The following CD38 variants were observed in gnomAD, a reference collection of about 807,000 sequenced individuals.
CD38 encodes ADP-ribosyl cyclase/cyclic ADP-ribose hydrolase 1.
In CD38, 31 loss-of-function variants were observed where a neutral mutation model predicts 36.3. The ratio of observed to expected loss-of-function variants is 0.85; its 90% confidence interval spans 0.64 to 1.15. The LOEUF (loss-of-function observed/expected upper bound fraction) is 1.15, where lower values mean the gene tolerates loss of function less well. Ranked by LOEUF, CD38 falls within the 50% of genes most tolerant of loss-of-function variation. CD38 has a pLI of 0.00. For synonymous variants in CD38, 131 were observed against 135.2 expected (o/e 0.97, Z 0.22); for missense variants, 380 against 371.9 (o/e 1.02, Z -0.18).
intron 1 of CD38, among the ~76,000 whole-genome samples, chr4:15,787,052 C>T (rs1385684468): frequency 2.0e-5 from 3 of 152,240 alleles, no homozygotes; most frequent in Admixed American, 2.0e-4. Context: ...AGCCCACGCC[C>T]ACCTGGAACT....
chr4:15,847,992 G>A (rs540661172), intron 7 of CD38, among the ~76,000 whole-genome samples: 6 of 152,282 alleles, frequency 3.9e-5, no homozygotes, highest in African/African-American at 1.4e-4. Flanking sequence ...CAGAAGCCCA[G>A]GGGTGCTGGC....
Position 15,850,802 on chromosome 4 carries a change from A to C in CD38, c.*2200A>C, listed in dbSNP as rs1724366149. 6.6e-6 allele frequency: 1 copy of C among 152,080 alleles called. No homozygotes were observed. The highest frequency in any genetic ancestry group is 2.4e-5 in the African/African-American group (1 of 41,386). The allele number at this position is 152,080 out of a possible 1,614,324, so 9.4% of individuals were successfully genotyped here. On this transcript the variant is annotated 3_prime_UTR_variant, in exon 8 of 8. Transcript: ENST00000226279. ...CTGAGTGAGAATCAGACTTGCCCCA[A>C]GTTGCCATTAGCTCCCCCTGCAGAA...
chr4:15,792,387 T>C (rs1577637357), intron 1 of CD38, among the ~76,000 whole-genome samples: 1 of 92,396 alleles, frequency 1.1e-5, no homozygotes, highest in Non-Finnish European at 2.0e-5. Context: ...CCCTGCCAAA[T>C]CCCCCTCTGC....
chr4:15,848,530 T>G lies in CD38; in HGVS notation c.840-9T>G, dbSNP rs1724315751. On this transcript the variant is annotated splice_polypyrimidine_tract_variant and intron_variant, in intron 7 of 7. Transcript: ENST00000226279. ...TCTCTTGATTTCCTTTTTTGCTTTC[T>G]TGTCATAGACCTGACAAGTTTCTTC... is the stretch of plus-strand genomic sequence containing the variant. The G allele has an allele frequency of 6.2e-7, 1 of 1,611,312 alleles. No homozygotes were observed. Among genetic ancestry groups the G allele is most frequent in the Non-Finnish European group, 8.5e-7 (1 of 1,177,506 alleles).
chr4:15,805,987 G>A (rs1038771344), intron 1 of CD38, among the ~76,000 whole-genome samples: 1 of 152,192 alleles, frequency 6.6e-6, no homozygotes, highest in Non-Finnish European at 1.5e-5. Context: ...GATTTAGGGG[G>A]TGAGAGTTTT....
At chr4:15,848,247 T>C (rs1258220137) in intron 7 of CD38, among the ~76,000 whole-genome samples, 1 of 152,180 alleles carries the variant, frequency 6.6e-6, no homozygotes, top group African/African-American at 2.4e-5. Context: ...AGACTCTGCC[T>C]CTGACCCTGG....
intron 4 of CD38, among the ~76,000 whole-genome samples, chr4:15,834,962 C>T (rs1724034649): frequency 6.6e-6 from 1 of 152,048 alleles, no homozygotes; most frequent in Admixed American, 6.5e-5. Flanking sequence ...TGTGGTGATA[C>T]ATATAAGGTA....
chr4:15,802,511 ATTT>A (rs1278246279), intron 1 of CD38, among the ~76,000 whole-genome samples: 1 of 115,676 alleles, frequency 8.6e-6, no homozygotes, highest in Non-Finnish European at 1.7e-5. Flanking sequence ...ATTTTATTTT[ATTT>A]TATTTTATTT....
At chr4:15,840,159 T>G in intron 6 of CD38, 41 bp downstream of exon 6, 1 of 1,398,966 alleles carries the variant, frequency 7.1e-7, no homozygotes, top group Non-Finnish European at 1.0e-6. Flanking sequence ...ATTTTATGAA[T>G]CAGTCCACAA....
At position 15,849,848 on chromosome 4, in the gene CD38, A is replaced by G. The variant is rs369317978; in HGVS notation, c.*1246A>G. On this transcript the variant is annotated 3_prime_UTR_variant, in exon 8 of 8. Coordinates refer to ENST00000226279, the MANE Select transcript of CD38 (RefSeq NM_001775.4). ...CTTCAGCTTGTTTTCTTTTTTGTAT[A>G]CATAGATTTTAGGACGATATATTTT... 2.6e-4 allele frequency: 39 copies of G among 152,144 alleles called. No homozygotes were observed. The highest frequency in any genetic ancestry group is 8.9e-4 in the African/African-American group (37 of 41,438). 9.4% of individuals were successfully genotyped at this position (152,144 alleles called of 1,614,324 possible). A position where few individuals can be genotyped will look rare whatever the true frequency, so the allele number is the denominator to read the frequency against.
intron 1 of CD38, among the ~76,000 whole-genome samples, chr4:15,784,399 C>T (rs550852962): frequency 3.3e-4 from 50 of 152,264 alleles, no homozygotes; most frequent in Admixed American, 1.4e-3. Context: ...AAAATCCTGG[C>T]GGTCAGGTAA....
chr4:15,790,213 C>T (rs1044879378), intron 1 of CD38, among the ~76,000 whole-genome samples: 4 of 148,338 alleles, frequency 2.7e-5, no homozygotes, highest in South Asian at 2.2e-4. Flanking sequence ...TCTCCTTCCA[C>T]GGTCTCCCTC....
chr4:15,826,459 GCACACACACACACA>G (rs67475051), intron 3 of CD38, among the ~76,000 whole-genome samples: 23 of 146,450 alleles, frequency 1.6e-4, no homozygotes, highest in Middle Eastern at 3.4e-3. Flanking sequence ...ACTTTTGTGC[GCACACACACACACA>G]CACACACACA....
intron 7 of CD38, among the ~76,000 whole-genome samples, chr4:15,848,076 CT>C (rs1724302082): frequency 6.6e-6 from 1 of 152,230 alleles, no homozygotes; most frequent in Non-Finnish European, 1.5e-5. Context: ...CCATTCCTCG[CT>C]ATCCACCATC....
At chr4:15,837,598 T>G (rs1208468774) in intron 4 of CD38, among the ~76,000 whole-genome samples, 1 of 152,206 alleles carries the variant, frequency 6.6e-6, no homozygotes, top group Non-Finnish European at 1.5e-5. Context: ...TCAAGCATAT[T>G]TATTCATTCA....
At chr4:15,834,815 T>C (rs963417196) in intron 4 of CD38, among the ~76,000 whole-genome samples, 2 of 152,200 alleles carry the variant, frequency 1.3e-5, no homozygotes, top group African/African-American at 2.4e-5. Context: ...AAGAGGCATA[T>C]GTGGGAGTTT....
chr4:15,838,150 T>C lies in CD38; in HGVS notation c.644T>C (p.Ile215Thr). ...HVMLNGSRSK[I>T]FDKNSTFGSV... ...ATGCTCAATGGATCCCGCAGTAAAATCTTTGACAAAAACAGGTACACATTT... is the reference window on the plus strand; with the variant it reads ...ATGCTCAATGGATCCCGCAGTAAAACCTTTGACAAAAACAGGTACACATTT... The change falls in exon 5 of 8, where the codon ATC becomes ACC. Residue 215 changes from isoleucine to threonine, a missense_variant. Coordinates refer to ENST00000226279, the MANE Select transcript of CD38 (RefSeq NM_001775.4). 1 of 1,613,276 alleles carries C rather than the reference T, an allele frequency of 6.2e-7. No individual in the cohort carries two copies. Among genetic ancestry groups the C allele is most frequent in the Non-Finnish European group, 8.5e-7 (1 of 1,179,328 alleles).
chr4:15,783,021 C>G (rs1201449499), intron 1 of CD38, among the ~76,000 whole-genome samples: 1 of 152,196 alleles, frequency 6.6e-6, no homozygotes, highest in Non-Finnish European at 1.5e-5. Flanking sequence ...TGAGTTGAAC[C>G]AGGGGCATTA....
Position 15,852,331 on chromosome 4 carries a change from T to C in CD38, c.*3729T>C, listed in dbSNP as rs1724405319. 6.6e-6 allele frequency: 1 copy of C among 152,244 alleles called. No homozygotes were observed. Among genetic ancestry groups the C allele is most frequent in the South Asian group, 2.1e-4 (1 of 4,836 alleles). 9.4% of individuals were successfully genotyped at this position (152,244 alleles called of 1,614,324 possible). A position where few individuals can be genotyped will look rare whatever the true frequency, so the allele number is the denominator to read the frequency against. On this transcript the variant is annotated 3_prime_UTR_variant, in exon 8 of 8. Transcript: ENST00000226279. The stretch of plus-strand genomic sequence containing the variant: ...AGAAGCTCAACCCATGTCTGCACAC[T>C]GTGATACAAGGGGGACAGCATCGAC...
Sources: allele counts gnomAD v4.1 joint callset (sites outside exome capture counted in the v4.1 genomes callset), GRCh38; gene constraint gnomAD v4.1.1; transcripts MANE v1.5; gene names NCBI Gene and HGNC (gene_info 2026-07-23, HGNC 2026-07-21).